The following MAP4 variants were observed in gnomAD, a reference collection of about 807,000 sequenced individuals.
The protein encoded by MAP4 is microtubule associated protein 4.
MAP4 carries 76 observed loss-of-function variants against 170.2 expected under a neutral mutation model. The observed-to-expected ratio is 0.45, with a 90% CI of 0.37 to 0.54. MAP4 has a LOEUF of 0.54. Ranked by LOEUF, MAP4 falls within the 20% of genes least tolerant of loss-of-function variation. MAP4 has a pLI of 0.00. For missense variants in MAP4, 2,506 were observed against 2,748.0 expected (o/e 0.91, Z 1.97); for synonymous variants, 909 against 994.5 (o/e 0.91, Z 1.62).
At chr3:47,947,334 T>C (rs1292822566) in intron 3 of MAP4, among the ~76,000 whole-genome samples, 1 of 152,168 alleles carries the variant, frequency 6.6e-6, no homozygotes, top group Non-Finnish European at 1.5e-5. Context: ...GCTGGACTTG[T>C]GGCCCAATCT....
At chr3:47,977,817 T>C (rs971441722) in intron 3 of MAP4, 48 bp downstream of exon 3, 2 of 1,234,240 alleles carry the variant, frequency 1.6e-6, no homozygotes, top group Non-Finnish European at 2.4e-6. Flanking sequence ...AAGGTGTTCA[T>C]TGTAAGTGCA....
chr3:48,044,887 T>C (rs1232867409), intron 1 of MAP4, among the ~76,000 whole-genome samples: 1 of 151,178 alleles, frequency 6.6e-6, no homozygotes, highest in Admixed American at 6.6e-5. Context: ...AGGTAGAGGT[T>C]GCAGTGAGCC....
intron 2 of MAP4, among the ~76,000 whole-genome samples, chr3:47,986,985 T>C (rs2100089121): frequency 1.3e-5 from 2 of 152,204 alleles, no homozygotes; most frequent in African/African-American, 4.8e-5. Flanking sequence ...CAATTCAGTG[T>C]AATAAGCAAT....
At chr3:48,086,316 C>T (rs1401910098) in intron 1 of MAP4, among the ~76,000 whole-genome samples, 1 of 151,870 alleles carries the variant, frequency 6.6e-6, no homozygotes, top group African/African-American at 2.4e-5. Context: ...CAGCGAGACT[C>T]CATCTTAAAA....
intron 1 of MAP4, among the ~76,000 whole-genome samples, chr3:48,049,382 G>T (rs182443977): frequency 6.6e-6 from 1 of 152,072 alleles, no homozygotes; most frequent in Non-Finnish European, 1.5e-5. Flanking sequence ...CACTTTGGGA[G>T]GCCAAGGCAG....
In MAP4 at chr3:47,995,218, T is replaced by C. The variant is rs116636611; in HGVS notation, c.223+3420A>G. 4.0e-3 allele frequency among the ~76,000 whole-genome samples: 605 copies of C among 152,018 alleles called. 6 individuals are homozygous for C. The highest frequency in any genetic ancestry group is 0.014 in the African/African-American group (586 of 41,494). Reference sequence around the variant, plus strand: ...AAGCTTTTGCAACATCAAGATACTTTTGTAAGCAATGATAGCAACTTTTTT... The same window carrying C: ...AAGCTTTTGCAACATCAAGATACTTCTGTAAGCAATGATAGCAACTTTTTT... On this transcript the variant is annotated intron_variant, in intron 2 of 20. Transcript: ENST00000683076.
At chr3:47,917,847 A>ATTTTTG (rs2100040612) in intron 6 of MAP4, among the ~76,000 whole-genome samples, 1 of 152,014 alleles carries the variant, frequency 6.6e-6, no homozygotes, top group Non-Finnish European at 1.5e-5. Context: ...TCTGTACTGA[A>ATTTTTG]TTTTTGTTTT....
chr3:48,086,110 G>A (rs1579939520), intron 1 of MAP4, among the ~76,000 whole-genome samples: 1 of 139,226 alleles, frequency 7.2e-6, no homozygotes, highest in African/African-American at 3.4e-5. Flanking sequence ...ATATGTATAT[G>A]TGTATGTATA....
In MAP4 at chr3:48,067,617, G is replaced by A. The variant is rs879320183; in HGVS notation, c.-20+21156C>T. Among the ~76,000 whole-genome samples, 393 of 146,708 alleles carry A rather than the reference G, an allele frequency of 2.7e-3. 2 individuals are homozygous for A. Among genetic ancestry groups the A allele is most frequent in the Admixed American group, 4.7e-3 (67 of 14,374 alleles). On this transcript the variant is annotated intron_variant, in intron 1 of 18. Transcript: ENST00000360240. ...ACCACCTCCCCGTTACTGTCTCAAA[G>A]TTAACAAGAGAAACCTTTTTTTTTT...
intron 10 of MAP4, among the ~76,000 whole-genome samples, chr3:47,899,278 T>C (rs763287308): frequency 2.0e-5 from 3 of 152,158 alleles, no homozygotes; most frequent in Non-Finnish European, 4.4e-5. Flanking sequence ...GGATTACAGG[T>C]GTCCCAGCTA....
rs539230034 is a variant in MAP4 at position 47,911,202 on chromosome 3, T to G, written c.3219A>C (p.Thr1073=). 1 of 1,536,156 alleles carries G rather than the reference T, an allele frequency of 6.5e-7. No homozygotes were observed. The highest frequency in any genetic ancestry group is 2.4e-5 in the East Asian group (1 of 40,916). The change falls in exon 9 of 21, where the codon ACA becomes ACC. Residue 1073 remains threonine, a synonymous_variant. Coordinates refer to ENST00000683076, the MANE Select transcript of MAP4 (RefSeq NM_001385682.1). The surrounding 1 kb of genome is among the most constrained non-coding windows in gnomAD (Gnocchi z 4.0). ...ATTTTGCTTTTACCTTCCCAGAATC[T>G]GTTCTCATTTTCCCAGAACTTCCCC... ...KGRGSSGKMR[T]DSGKVKAKSE...
intron 3 of MAP4, chr3:47,973,371 T>C (rs113902207): frequency 5.1e-6 from 5 of 985,410 alleles, no homozygotes; most frequent in South Asian, 9.4e-5. Flanking sequence ...ACTGGACCAC[T>C]TGGGTGTGAC....
intron 12 of MAP4, among the ~76,000 whole-genome samples, chr3:47,873,324 G>A (rs2094125679): frequency 6.6e-6 from 1 of 152,136 alleles, no homozygotes; most frequent in African/African-American, 2.4e-5. Context: ...GTTTAGCCTG[G>A]TTTCTACGGG....
At chr3:48,036,511 C>T (rs2100118784) in intron 1 of MAP4, among the ~76,000 whole-genome samples, 1 of 152,134 alleles carries the variant, frequency 6.6e-6, no homozygotes, top group East Asian at 1.9e-4. Flanking sequence ...CATGAATGTG[C>T]CTTCTGTCTT....
intron 5 of MAP4, among the ~76,000 whole-genome samples, chr3:47,920,172 T>C (rs1056030668): frequency 5.9e-5 from 9 of 152,216 alleles, no homozygotes; most frequent in Admixed American, 4.6e-4. Context: ...TGTTTCACCA[T>C]GTTGGCCAGG....
chr3:48,061,792 T>G (rs1389205669), intron 1 of MAP4, among the ~76,000 whole-genome samples: 1 of 138,744 alleles, frequency 7.2e-6, no homozygotes, highest in Non-Finnish European at 1.6e-5. Context: ...GGGAGGGAGG[T>G]GGGGGGCAGC....
intron 12 of MAP4, among the ~76,000 whole-genome samples, chr3:47,874,535 T>C (rs1379903472): frequency 6.6e-6 from 1 of 152,132 alleles, no homozygotes; most frequent in African/African-American, 2.4e-5. Context: ...TTCATTTATA[T>C]GATTATTATA....
At chr3:47,928,446 T>TA (rs2100047438) in intron 3 of MAP4, 96 bp from the exon 4 acceptor site, 2 of 1,237,302 alleles carry the variant, frequency 1.6e-6, no homozygotes, top group Middle Eastern at 2.0e-4. Flanking sequence ...TAGTACAATA[T>TA]AAAAAATCCT....
intron 1 of MAP4, among the ~76,000 whole-genome samples, chr3:48,087,420 C>T (rs1579951314): frequency 6.6e-6 from 1 of 152,106 alleles, no homozygotes; most frequent in African/African-American, 2.4e-5. Context: ...GCTGGTGGTG[C>T]TCTTTGAATC....
Sources: gnomAD v4.1 joint callset for allele counts (sites outside exome capture counted in the v4.1 genomes callset) on GRCh38, gnomAD v4.1.1 for gene constraint, Gnocchi (gnomAD v3.1) non-coding constraint, MANE v1.5 for transcripts, NCBI Gene and HGNC (gene_info 2026-07-23, HGNC 2026-07-21) for gene names.